CACNA1E: variants seen among roughly 807,000 people sequenced by gnomAD.
The protein encoded by CACNA1E is voltage-dependent R-type calcium channel subunit alpha-1E.
A neutral mutation model predicts 259.2 loss-of-function variants in CACNA1E; 40 were observed. That is an observed-to-expected ratio of 0.15 (90% CI 0.12 to 0.20). The LOEUF (loss-of-function observed/expected upper bound fraction) is 0.20. Among genes scored for constraint, CACNA1E ranks in the 10% least tolerant of loss-of-function variants. CACNA1E has a pLI of 1.00. For synonymous variants in CACNA1E, 1,104 were observed against 1,138.5 expected, an observed-to-expected ratio of 0.97 and a Z score of 0.61; for missense variants, 1,874 against 3,040.1, an observed-to-expected ratio of 0.62 and a Z score of 9.02.
At chr1:181,561,546 T>G (rs747947702) in intron 3 of CACNA1E, among the ~76,000 whole-genome samples, 6 of 152,210 alleles carry the variant, frequency 3.9e-5, no homozygotes, top group Non-Finnish European at 8.8e-5. Flanking sequence ...AAGAGGAGTC[T>G]ACAGCCTTTT....
intron 2 of CACNA1E, among the ~76,000 whole-genome samples, chr1:181,475,795 T>C (rs1353401012): frequency 1.3e-5 from 2 of 152,076 alleles, no homozygotes; most frequent in Non-Finnish European, 2.9e-5. Context: ...TTTACACATA[T>C]TGAGTCTGGG....
Position 181,410,110 on chromosome 1 carries a change from G to A in CACNA1E, c.-14-3023G>A, listed in dbSNP as rs72729367. On this transcript the variant is annotated intron_variant, in intron 1 of 11. Coordinates refer to the CACNA1E transcript ENST00000524607. ...CTGGAGATGCTAAGGCCTGGGGAGG[G>A]AGTGGGAGCAGCAGGGGAGGGGTGT... Among the ~76,000 whole-genome samples the A allele has an allele frequency of 3.3e-5, 5 of 152,066 alleles. No individual in the cohort carries two copies. The South Asian group carries it at 1.0e-3, about 32-fold the overall frequency.
chr1:181,786,451 C>A (rs1660854003), intron 43 of CACNA1E, among the ~76,000 whole-genome samples: 1 of 152,138 alleles, frequency 6.6e-6, no homozygotes, highest in Admixed American at 6.5e-5. Context: ...ATTTCTGACC[C>A]CAGAGTGTTT....
At chr1:181,492,333 G>A (rs1452686731) in intron 1 of CACNA1E, among the ~76,000 whole-genome samples, 1 of 152,134 alleles carries the variant, frequency 6.6e-6, no homozygotes, top group African/African-American at 2.4e-5. Context: ...GCACTTCATT[G>A]TATTTTGAGC....
intron 1 of CACNA1E, among the ~76,000 whole-genome samples, chr1:181,348,353 C>T (rs1340985665): frequency 2.6e-5 from 4 of 152,050 alleles, no homozygotes; most frequent in African/African-American, 7.2e-5. Flanking sequence ...AGCCTGAGGT[C>T]TCTGTGAGTC....
chr1:181,540,239 C>T (rs1327969234), intron 3 of CACNA1E, among the ~76,000 whole-genome samples: 1 of 152,164 alleles, frequency 6.6e-6, no homozygotes, highest in African/African-American at 2.4e-5. Flanking sequence ...GTAGGTGCCT[C>T]ATCATCAGGA....
intron 6 of CACNA1E, among the ~76,000 whole-genome samples, chr1:181,630,382 AT>A (rs1368227342): frequency 4.1e-5 from 6 of 147,656 alleles, no homozygotes; most frequent in African/African-American, 1.5e-4. Flanking sequence ...TGTAATTAAC[AT>A]GCCCCCCCAC....
chr1:181,678,549 G>A (rs1403047370), intron 7 of CACNA1E, among the ~76,000 whole-genome samples: 1 of 152,180 alleles, frequency 6.6e-6, no homozygotes, highest in Non-Finnish European at 1.5e-5. Context: ...AGGACATACT[G>A]AACTAACAAG....
chr1:181,645,239 G>C (rs1036570270), intron 6 of CACNA1E, among the ~76,000 whole-genome samples: 1 of 152,136 alleles, frequency 6.6e-6, no homozygotes, highest in African/African-American at 2.4e-5. Flanking sequence ...TGGGGTGGGG[G>C]ATAGTGTGCC....
chr1:181,648,742 A>G (rs1248689827), intron 6 of CACNA1E, among the ~76,000 whole-genome samples: 3 of 152,238 alleles, frequency 2.0e-5, no homozygotes, highest in Non-Finnish European at 4.4e-5. Context: ...GCCACCCTCA[A>G]ACTGTAGCTC....
At chr1:181,784,571 C>T (rs961423124) in intron 40 of CACNA1E, 90 bp from the exon 41 acceptor site, 1 of 777,758 alleles carries the variant, frequency 1.3e-6, no homozygotes, top group Admixed American at 2.5e-5. Flanking sequence ...TATGAGGTGC[C>T]CTGCTGATTC....
chr1:181,473,066 G>C (rs539012044), intron 2 of CACNA1E, among the ~76,000 whole-genome samples: 1 of 152,174 alleles, frequency 6.6e-6, no homozygotes, highest in African/African-American at 2.4e-5. Flanking sequence ...GATCAGGATC[G>C]ATGTTCCTGA....
At chr1:181,482,489 G>C (rs1325896075), upstream of CACNA1E, among the ~76,000 whole-genome samples, 1 of 152,242 alleles carries the variant, frequency 6.6e-6, no homozygotes, top group Non-Finnish European at 1.5e-5. Flanking sequence ...CTACCCTTTG[G>C]CCACATAAAT....
chr1:181,685,178 CATTT>C (rs1650394893), intron 7 of CACNA1E, among the ~76,000 whole-genome samples: 1 of 72,998 alleles, frequency 1.4e-5, no homozygotes, highest in Non-Finnish European at 2.8e-5. Flanking sequence ...ACAAAGGAAA[CATTT>C]TTTTTTTTTT....
intron 2 of CACNA1E, among the ~76,000 whole-genome samples, chr1:181,439,716 T>TATA (rs1660329514): frequency 6.6e-6 from 1 of 152,184 alleles, no homozygotes; most frequent in Admixed American, 6.5e-5. Flanking sequence ...ACAGATACAG[T>TATA]ATAATACTAA....
intron 1 of CACNA1E, among the ~76,000 whole-genome samples, chr1:181,407,147 G>T (rs914158836): frequency 4.6e-5 from 7 of 152,102 alleles, no homozygotes; most frequent in African/African-American, 1.7e-4. Flanking sequence ...CTGTTAAATT[G>T]CTGTTGGACA....
chr1:181,418,007 A>G (rs1658413654), intron 2 of CACNA1E, among the ~76,000 whole-genome samples: 1 of 152,056 alleles, frequency 6.6e-6, no homozygotes, highest in African/African-American at 2.4e-5. Context: ...CATTCCAATC[A>G]GGTCTTTGTC....
intron 6 of CACNA1E, among the ~76,000 whole-genome samples, chr1:181,641,703 G>GTT (rs751082929): frequency 0.012 from 1,005 of 81,002 alleles, 138 homozygotes; most frequent in Non-Finnish European, 0.016. Flanking sequence ...CTAATTTTTT[G>GTT]TTTTTTTTTT....
intron 6 of CACNA1E, among the ~76,000 whole-genome samples, chr1:181,603,835 C>T (rs1165421411): frequency 6.6e-6 from 1 of 152,194 alleles, no homozygotes; most frequent in Non-Finnish European, 1.5e-5. Flanking sequence ...TGCCTGTCTC[C>T]CTGGCTCTGA....
Sources: allele counts gnomAD v4.1 joint callset (sites outside exome capture counted in the v4.1 genomes callset), GRCh38; gene constraint gnomAD v4.1.1; transcripts MANE v1.5; gene names NCBI Gene and HGNC (gene_info 2026-07-23, HGNC 2026-07-21).